The following TULP4 variants were observed in gnomAD, a reference collection of about 807,000 sequenced individuals.
TULP4 encodes TUB like protein 4.
TULP4 carries 16 observed loss-of-function variants against 129.0 expected under a neutral mutation model. The ratio of observed to expected loss-of-function variants is 0.12; its 90% CI spans 0.08 to 0.19. The LOEUF (loss-of-function observed/expected upper bound fraction) is 0.19, where lower values mean the gene tolerates loss of function less well. TULP4 is among the 10% of genes least tolerant of loss of function. The pLI is 1.00. For synonymous variants in TULP4, 998 were observed against 854.0 expected (o/e 1.17, Z -2.94); for missense variants, 1,842 against 2,059.1 (o/e 0.89, Z 2.04).
intron 1 of TULP4, among the ~76,000 whole-genome samples, chr6:158,317,394 C>T (rs1273858229): frequency 6.6e-6 from 1 of 150,598 alleles, no homozygotes; most frequent in African/African-American, 2.4e-5. Flanking sequence ...TCAGTTCCCA[C>T]CTATGAGTGA....
chr6:158,239,635 G>A (rs1177887401), intron 1 of TULP4, among the ~76,000 whole-genome samples: 12 of 66,624 alleles, frequency 1.8e-4, no homozygotes, highest in East Asian at 6.3e-4. Flanking sequence ...GGCCGGGTGG[G>A]GGGCTGACCC....
chr6:158,333,973 T>C (rs984311370), intron 1 of TULP4, among the ~76,000 whole-genome samples: 1 of 152,196 alleles, frequency 6.6e-6, no homozygotes, highest in African/African-American at 2.4e-5. Flanking sequence ...CTGTAATAAT[T>C]TTGTAGCCTC....
intron 1 of TULP4, among the ~76,000 whole-genome samples, chr6:158,328,133 CG>C (rs1779792167): frequency 1.6e-5 from 1 of 60,876 alleles, no homozygotes. Context: ...TGTGTGCGTG[CG>C]TGCTGGGAAA....
At chr6:158,477,045 G>C (rs1227828357) in intron 6 of TULP4, among the ~76,000 whole-genome samples, 1 of 152,094 alleles carries the variant, frequency 6.6e-6, no homozygotes, top group Non-Finnish European at 1.5e-5. Flanking sequence ...AGTGAATTCA[G>C]GTATGTGAGC....
chr6:158,361,941 C>G (rs181311333), intron 1 of TULP4, among the ~76,000 whole-genome samples: 3 of 152,296 alleles, frequency 2.0e-5, no homozygotes, highest in African/African-American at 7.2e-5. Context: ...ATTTTCTGAT[C>G]ATCAGCATAA....
At chr6:158,271,041 A>G (rs1041082222) in intron 1 of TULP4, among the ~76,000 whole-genome samples, 6 of 151,278 alleles carry the variant, frequency 4.0e-5, no homozygotes, top group African/African-American at 1.5e-4. Flanking sequence ...TCCCAGATAC[A>G]TGGGAGGCTG....
chr6:158,449,730 C>G (rs1471202884), intron 4 of TULP4, among the ~76,000 whole-genome samples: 1 of 152,080 alleles, frequency 6.6e-6, no homozygotes, highest in African/African-American at 2.4e-5. Context: ...TACTGCCTCT[C>G]TGTATACTCC....
At chr6:158,422,862 T>G (rs1230237969) in intron 2 of TULP4, among the ~76,000 whole-genome samples, 1 of 152,160 alleles carries the variant, frequency 6.6e-6, no homozygotes, top group East Asian at 1.9e-4. Flanking sequence ...TCCACACACG[T>G]GGGGATATGT....
intron 1 of TULP4, among the ~76,000 whole-genome samples, chr6:158,237,109 A>G (rs922952821): frequency 1.3e-5 from 2 of 151,912 alleles, no homozygotes; most frequent in Non-Finnish European, 2.9e-5. Flanking sequence ...GTGCCCGGCC[A>G]TATTTTCAGT....
intron 1 of TULP4, among the ~76,000 whole-genome samples, chr6:158,300,528 C>T (rs544605494): frequency 7.9e-5 from 12 of 152,288 alleles, no homozygotes; most frequent in Middle Eastern, 3.4e-3. Flanking sequence ...TCTGGTAATA[C>T]GGGAAATTCC....
At chr6:158,249,170 T>G (rs549427642) in intron 1 of TULP4, among the ~76,000 whole-genome samples, 22 of 152,208 alleles carry the variant, frequency 1.4e-4, no homozygotes, top group African/African-American at 5.3e-4. Flanking sequence ...GAGGTCACCT[T>G]TTCCAGGCCT....
chr6:158,251,779 A>G (rs1386582349), intron 1 of TULP4, among the ~76,000 whole-genome samples: 1 of 152,336 alleles, frequency 6.6e-6, no homozygotes, highest in African/African-American at 2.4e-5. Flanking sequence ...TAGTTTTGAC[A>G]GTGCAGAGTC....
intron 3 of TULP4, among the ~76,000 whole-genome samples, chr6:158,448,551 A>G (rs558720963): frequency 1.6e-4 from 24 of 152,336 alleles, no homozygotes; most frequent in African/African-American, 5.1e-4. Flanking sequence ...ACATAACCCA[A>G]TGTATTTTCT....
At chr6:158,388,755 T>C (rs1308445595) in intron 1 of TULP4, among the ~76,000 whole-genome samples, 3 of 152,262 alleles carry the variant, frequency 2.0e-5, no homozygotes, top group East Asian at 1.9e-4. Context: ...TTTAAAAATA[T>C]AACTTTTTGA....
At chr6:158,300,029 T>G (rs1186744031) in intron 1 of TULP4, among the ~76,000 whole-genome samples, 2 of 152,192 alleles carry the variant, frequency 1.3e-5, no homozygotes, top group East Asian at 3.8e-4. Context: ...TCTGTTGCCA[T>G]TAGGGAGGAT....
intron 3 of TULP4, among the ~76,000 whole-genome samples, chr6:158,433,443 A>T (rs989361462): frequency 2.0e-5 from 3 of 152,314 alleles, no homozygotes; most frequent in African/African-American, 7.2e-5. Flanking sequence ...TGCTAGGCGC[A>T]GTGGCTCACG....
intron 1 of TULP4, among the ~76,000 whole-genome samples, chr6:158,358,552 T>C (rs1780698561): frequency 6.6e-6 from 1 of 152,222 alleles, no homozygotes; most frequent in Non-Finnish European, 1.5e-5. Flanking sequence ...ATATTAATAA[T>C]AAATGAATTT....
rs187096206 is a variant in TULP4 at position 158,483,987 on chromosome 6, T to C, written c.1486+2698T>C. On this transcript the variant is annotated intron_variant, in intron 8 of 13. Coordinates refer to ENST00000367097, the MANE Select transcript of TULP4 (RefSeq NM_020245.5). ...AGGCTGGAGTGCAGTAGTACAATCATGGCTCATTGCAGCCTTGAACTCCTA... is the reference window on the plus strand; with the variant it reads ...AGGCTGGAGTGCAGTAGTACAATCACGGCTCATTGCAGCCTTGAACTCCTA... Among the ~76,000 whole-genome samples, 443 of 150,908 alleles carry C rather than the reference T, an allele frequency of 2.9e-3. 3 individuals are homozygous for C. The highest frequency in any genetic ancestry group is 4.5e-3 in the Non-Finnish European group (306 of 67,748).
At chr6:158,263,462 A>C (rs1057447847) in intron 1 of TULP4, among the ~76,000 whole-genome samples, 1 of 152,362 alleles carries the variant, frequency 6.6e-6, no homozygotes, top group African/African-American at 2.4e-5. Flanking sequence ...TAGAGAAGAA[A>C]GGCAATTATT....
Sources: gnomAD v4.1 joint callset for allele counts (sites outside exome capture counted in the v4.1 genomes callset) on GRCh38, gnomAD v4.1.1 for gene constraint, MANE v1.5 for transcripts, NCBI Gene and HGNC (gene_info 2026-07-23, HGNC 2026-07-21) for gene names.